The following UNC79 variants were observed in gnomAD, a reference collection of about 807,000 sequenced individuals.
UNC79 encodes protein unc-79 homolog.
Under a neutral mutation model 283.1 loss-of-function variants are expected in UNC79, and 37 were observed. That is an observed-to-expected ratio of 0.13 (90% CI 0.10 to 0.17). The LOEUF (loss-of-function observed/expected upper bound fraction) is 0.17. UNC79 is among the 10% of genes least tolerant of loss of function. The probability of loss-of-function intolerance (pLI) is 1.00; values close to 1 mark genes in which losing one functional copy is unlikely to be tolerated. For synonymous variants in UNC79, 1,107 were observed against 1,200.2 expected (o/e 0.92, Z 1.61); for missense variants, 2,272 against 3,211.1 (o/e 0.71, Z 7.07).
exon 46 of UNC79, chr14:93,691,911 C>T (rs765719787): frequency 6.2e-7 from 1 of 1,614,166 alleles, no homozygotes; most frequent in Non-Finnish European, 8.5e-7. Flanking sequence ...TAGGGTGACA[C>T]CCAGCATCCT....
At chr14:93,628,382 C>CT (rs749215980) in intron 30 of UNC79, among the ~76,000 whole-genome samples, 14 of 152,184 alleles carry the variant, frequency 9.2e-5, no homozygotes, top group Non-Finnish European at 2.1e-4. Flanking sequence ...CTGGCTCATT[C>CT]TCTCCCTTTT....
chr14:93,504,074 TA>T (rs2059423412), intron 7 of UNC79, among the ~76,000 whole-genome samples: 1 of 152,008 alleles, frequency 6.6e-6, no homozygotes. Flanking sequence ...AGTGTCTATT[TA>T]AAAATGATTC....
intron 1 of UNC79, among the ~76,000 whole-genome samples, chr14:93,415,301 G>A (rs1284595136): frequency 6.6e-6 from 1 of 152,174 alleles, no homozygotes; most frequent in Non-Finnish European, 1.5e-5. Context: ...CTTTGGTTCT[G>A]TTTATATGCT....
intron 14 of UNC79, among the ~76,000 whole-genome samples, chr14:93,565,448 G>C (rs987911021): frequency 1.3e-5 from 2 of 152,154 alleles, no homozygotes; most frequent in African/African-American, 4.8e-5. Flanking sequence ...CCTCTGGTTT[G>C]GGTGAGGGTA....
At chr14:93,638,220 CT>C (rs1484784248) in intron 32 of UNC79, among the ~76,000 whole-genome samples, 1 of 152,192 alleles carries the variant, frequency 6.6e-6, no homozygotes, top group Non-Finnish European at 1.5e-5. Flanking sequence ...CCATGTCACT[CT>C]TCTAATTTTC....
chr14:93,372,297 A>G (rs1468958604), intron 1 of UNC79, among the ~76,000 whole-genome samples: 3 of 152,352 alleles, frequency 2.0e-5, no homozygotes, highest in Admixed American at 1.3e-4. Context: ...ATTATATTAC[A>G]TACAGTAACA....
intron 10 of UNC79, among the ~76,000 whole-genome samples, chr14:93,530,524 A>G (rs964834939): frequency 1.3e-5 from 2 of 152,142 alleles, no homozygotes; most frequent in Non-Finnish European, 2.9e-5. Flanking sequence ...ATGTGGGAGG[A>G]TCATTTAAGC....
At chr14:93,522,665 G>A (rs576958717) in intron 7 of UNC79, among the ~76,000 whole-genome samples, 3 of 151,996 alleles carry the variant, frequency 2.0e-5, no homozygotes, top group Admixed American at 1.3e-4. Context: ...TCATCAATCT[G>A]TTCATGTACT....
chr14:93,643,845 C>G (rs2069304661), intron 34 of UNC79, 148 bp downstream of exon 37: 1 of 1,207,188 alleles, frequency 8.3e-7, no homozygotes, highest in Non-Finnish European at 1.1e-6. Flanking sequence ...TTTTAAAAAC[C>G]AAATAGACTC....
intron 38 of UNC79, 119 bp downstream of exon 41, chr14:93,655,526 G>A (rs748300928): frequency 1.9e-5 from 23 of 1,209,070 alleles, no homozygotes; most frequent in South Asian, 1.2e-4. Flanking sequence ...AGGAAACTCC[G>A]TCAGCCATGG....
At chr14:93,703,146 C>G (rs1310412327) in intron 47 of UNC79, among the ~76,000 whole-genome samples, 1 of 152,190 alleles carries the variant, frequency 6.6e-6, no homozygotes, top group Non-Finnish European at 1.5e-5. Flanking sequence ...ACGTGACTGT[C>G]TCCCCTCCCC....
chr14:93,347,649 G>C (rs1246290123), intron 1 of UNC79, among the ~76,000 whole-genome samples: 1 of 152,086 alleles, frequency 6.6e-6, no homozygotes, highest in East Asian at 1.9e-4. Context: ...CGGGGATTGG[G>C]CCTCCTTCGT....
intron 40 of UNC79, among the ~76,000 whole-genome samples, chr14:93,664,960 T>C (rs2072014020): frequency 6.6e-6 from 1 of 152,010 alleles, no homozygotes; most frequent in African/African-American, 2.4e-5. Context: ...ACAACCCACC[T>C]TGTGATAGAT....
intron 5 of UNC79, among the ~76,000 whole-genome samples, chr14:93,495,192 T>G (rs1299805906): frequency 6.6e-6 from 1 of 152,238 alleles, no homozygotes; most frequent in Non-Finnish European, 1.5e-5. Context: ...TATAAAGAAC[T>G]GCCAGAGACT....
chr14:93,631,835 G>A (rs1447467123), intron 31 of UNC79, among the ~76,000 whole-genome samples: 2 of 152,220 alleles, frequency 1.3e-5, no homozygotes, highest in Non-Finnish European at 2.9e-5. Context: ...GCCAGACACT[G>A]TGCTTGGCAC....
intron 7 of UNC79, among the ~76,000 whole-genome samples, chr14:93,515,089 CTG>C (rs1427171667): frequency 1.3e-5 from 2 of 152,118 alleles, no homozygotes; most frequent in African/African-American, 4.8e-5. Context: ...CACACTGAAT[CTG>C]TTTCTGACAT....
Position 93,403,974 on chromosome 14 carries a change from G to C in UNC79, c.-350-63697G>C, listed in dbSNP as rs144360234. On this transcript the variant is annotated intron_variant, in intron 1 of 49. Coordinates refer to the UNC79 transcript ENST00000256339. ...ACATTTGCAGATACATAAAGAAAGA[G>C]TAGGACTGTTTTCTAGCTGTATAAC... Among the ~76,000 whole-genome samples, 561 of 151,716 alleles carry C rather than the reference G, an allele frequency of 3.7e-3. 2 individuals are homozygous for C. The highest frequency in any genetic ancestry group is 0.013 in the African/African-American group (525 of 41,324).
intron 40 of UNC79, among the ~76,000 whole-genome samples, chr14:93,666,820 T>C (rs2072253734): frequency 6.6e-6 from 1 of 152,030 alleles, no homozygotes; most frequent in Non-Finnish European, 1.5e-5. Flanking sequence ...TTTTAAAACA[T>C]GGAACAGATA....
chr14:93,338,810 G>A (rs2053638709), intron 1 of UNC79, among the ~76,000 whole-genome samples: 1 of 152,224 alleles, frequency 6.6e-6, no homozygotes, highest in Non-Finnish European at 1.5e-5. Context: ...TCAGGTGGCT[G>A]AGGTGGGAGG....
Sources: allele counts gnomAD v4.1 joint callset (sites outside exome capture counted in the v4.1 genomes callset), GRCh38; gene constraint gnomAD v4.1.1; transcripts MANE v1.5; gene names NCBI Gene and HGNC (gene_info 2026-07-23, HGNC 2026-07-21).